The following UNC13C variants were observed in gnomAD, a reference collection of about 807,000 sequenced individuals.
UNC13C encodes unc-13 homolog C.
A neutral mutation model predicts 245.4 loss-of-function variants in UNC13C; 174 were observed. The ratio of observed to expected loss-of-function variants is 0.71; its 90% CI spans 0.63 to 0.80. The LOEUF (loss-of-function observed/expected upper bound fraction) is 0.80. UNC13C is among the 30% of genes least tolerant of loss of function. UNC13C has a pLI of 0.00. For missense variants in UNC13C, 2,829 were observed against 2,602.9 expected (o/e 1.09, Z -1.89); for synonymous variants, 992 against 895.1 (o/e 1.11, Z -1.93).
the UNC13C span, among the ~76,000 whole-genome samples, chr15:53,851,058 C>T: frequency 2.0e-5 from 3 of 151,748 alleles, no homozygotes; most frequent in African/African-American, 7.3e-5. Flanking sequence ...TTCTATTTCT[C>T]TTATTATTTA....
At chr15:54,178,790 C>T (rs1339897823) in intron 4 of UNC13C, among the ~76,000 whole-genome samples, 3 of 152,136 alleles carry the variant, frequency 2.0e-5, no homozygotes, top group African/African-American at 7.2e-5. Context: ...GGGGGTCATG[C>T]TGAAGGCCTG....
chr15:53,941,509 C>T, the UNC13C span, among the ~76,000 whole-genome samples: 314 of 152,192 alleles, frequency 2.1e-3, 2 homozygotes, highest in Non-Finnish European at 3.1e-3. Flanking sequence ...AACAGACCAC[C>T]TACATAATGG....
chr15:54,546,707 ATAT>A lies in UNC13C; in HGVS notation c.5697-13_5697-11del. ...GAAATTTAAAAGTGAATATATATAT[ATAT>A]TTTTTTTTCAGATTAAGTCTCTCAG... On this transcript the variant is annotated splice_polypyrimidine_tract_variant and intron_variant, in intron 26 of 32. Transcript: ENST00000260323. The A allele has an allele frequency of 7.0e-7, 1 of 1,435,210 alleles. No individual in the cohort carries two copies. Among genetic ancestry groups the A allele is most frequent in the Non-Finnish European group, 9.3e-7 (1 of 1,080,806 alleles). 88.9% of individuals were successfully genotyped at this position (1,435,210 alleles called of 1,614,324 possible).
chr15:54,083,883 G>A (rs1289251840), intron 2 of UNC13C, among the ~76,000 whole-genome samples: 1 of 152,228 alleles, frequency 6.6e-6, no homozygotes, highest in East Asian at 1.9e-4. Context: ...TACATAACCA[G>A]TATGGTACTC....
chr15:53,936,315 G>A, the UNC13C span, among the ~76,000 whole-genome samples: 1 of 152,170 alleles, frequency 6.6e-6, no homozygotes, highest in Non-Finnish European at 1.5e-5. Context: ...ACTGGGTAGG[G>A]GCTCCCTGTG....
chr15:54,316,972 A>G (rs1235128322), intron 13 of UNC13C, among the ~76,000 whole-genome samples: 2 of 151,870 alleles, frequency 1.3e-5, no homozygotes, highest in Admixed American at 6.6e-5. Flanking sequence ...GTTTTAATCA[A>G]CTCCACATCC....
chr15:54,267,915 G>A (rs1454818491), intron 10 of UNC13C, among the ~76,000 whole-genome samples: 1 of 151,758 alleles, frequency 6.6e-6, no homozygotes, highest in African/African-American at 2.4e-5. Flanking sequence ...TTGCCTCATA[G>A]CTCCTTGACA....
chr15:54,124,933 A>C (rs2030933785), intron 2 of UNC13C, among the ~76,000 whole-genome samples: 1 of 152,210 alleles, frequency 6.6e-6, no homozygotes, highest in South Asian at 2.1e-4. Context: ...TGCCAAAAAA[A>C]ATCAGTTGAC....
chr15:53,886,447 A>G, the UNC13C span, among the ~76,000 whole-genome samples: 7 of 152,188 alleles, frequency 4.6e-5, no homozygotes, highest in Non-Finnish European at 1.0e-4. Context: ...CAAATGAAGT[A>G]AAGTAGTATT....
At chr15:54,136,641 C>T (rs2031748174) in intron 2 of UNC13C, among the ~76,000 whole-genome samples, 1 of 151,992 alleles carries the variant, frequency 6.6e-6, no homozygotes, top group African/African-American at 2.4e-5. Flanking sequence ...AGGGGAAAAT[C>T]TTTCAGCTTT....
chr15:54,614,513 A>G (rs1388935728), intron 30 of UNC13C, among the ~76,000 whole-genome samples: 1 of 152,042 alleles, frequency 6.6e-6, no homozygotes, highest in Non-Finnish European at 1.5e-5. Context: ...CACTCACTAC[A>G]ACCCAACAGC....
At chr15:54,378,169 T>A (rs928081802) in intron 17 of UNC13C, among the ~76,000 whole-genome samples, 4 of 152,116 alleles carry the variant, frequency 2.6e-5, no homozygotes, top group Non-Finnish European at 5.9e-5. Context: ...CAAGTAAAAG[T>A]ATTAGTATTA....
At chr15:54,160,214 G>C (rs538286577) in intron 4 of UNC13C, among the ~76,000 whole-genome samples, 1 of 151,736 alleles carries the variant, frequency 6.6e-6, no homozygotes, top group Non-Finnish European at 1.5e-5. Context: ...TTAAATGGAA[G>C]TGTTAGGTAG....
intron 24 of UNC13C, 120 bp from the exon 25 acceptor site, chr15:54,525,429 A>T: frequency 1.8e-6 from 1 of 560,916 alleles, no homozygotes; most frequent in Non-Finnish European, 2.9e-6. Context: ...AAAAAAAAAG[A>T]AGAGAAAAAA....
intron 19 of UNC13C, among the ~76,000 whole-genome samples, chr15:54,470,617 TTTGAG>T (rs965360741): frequency 9.4e-5 from 5 of 53,112 alleles, no homozygotes; most frequent in Non-Finnish European, 2.0e-4. Context: ...ATTTTATTTA[TTTGAG>T]CCTTCTCTCT....
rs1464149060 is a variant in UNC13C at position 54,137,976 on chromosome 15, G to T, written c.2984-5042G>T. On this transcript the variant is annotated intron_variant, in intron 2 of 32. Transcript: ENST00000260323. ...ATTTATCACTGTATCCCTCTTAGAA[G>T]TGCTTTTGCTACATCCTGTAAGTTT... 2.6e-5 allele frequency among the ~76,000 whole-genome samples: 4 copies of T among 151,854 alleles called. No individual in the cohort carries two copies. In the East Asian group the frequency reaches 5.8e-4, roughly 22 times the overall value.
intron 2 of UNC13C, among the ~76,000 whole-genome samples, chr15:54,099,047 A>G (rs570952591): frequency 6.6e-6 from 1 of 152,368 alleles, no homozygotes; most frequent in African/African-American, 2.4e-5. Context: ...AAAACTTATC[A>G]GAGGCTTAGC....
intron 4 of UNC13C, among the ~76,000 whole-genome samples, chr15:54,178,336 T>C (rs963814691): frequency 4.6e-5 from 7 of 152,154 alleles, no homozygotes; most frequent in African/African-American, 1.7e-4. Context: ...ATAGCCTTAA[T>C]GAGTTTCCAC....
At chr15:54,280,352 G>A (rs1157962872) in intron 10 of UNC13C, among the ~76,000 whole-genome samples, 4 of 151,708 alleles carry the variant, frequency 2.6e-5, no homozygotes, top group Non-Finnish European at 4.4e-5. Context: ...TGTACAATAC[G>A]ATCCCATATT....
Sources: gnomAD v4.1 joint callset for allele counts (sites outside exome capture counted in the v4.1 genomes callset) on GRCh38, gnomAD v4.1.1 for gene constraint, MANE v1.5 for transcripts, NCBI Gene and HGNC (gene_info 2026-07-23, HGNC 2026-07-21) for gene names.